The following SLC16A7 variants were observed in gnomAD, a reference collection of about 807,000 sequenced individuals.
The protein encoded by SLC16A7 is monocarboxylate transporter 2.
In SLC16A7, 33 loss-of-function variants were observed where a neutral mutation model predicts 34.9. The ratio of observed to expected loss-of-function variants is 0.94; its 90% CI spans 0.72 to 1.26. The LOEUF is 1.26. Ranked by LOEUF, SLC16A7 falls within the 50% of genes most tolerant of loss-of-function variation. SLC16A7 has a pLI of 0.00. For missense variants in SLC16A7, 573 were observed against 578.1 expected, an observed-to-expected ratio of 0.99 and a Z score of 0.09; for synonymous variants, 201 against 206.6, an observed-to-expected ratio of 0.97 and a Z score of 0.23.
At chr12:59,606,586 A>G (rs1042054025) in intron 1 of SLC16A7, among the ~76,000 whole-genome samples, 5 of 152,190 alleles carry the variant, frequency 3.3e-5, no homozygotes, top group African/African-American at 9.7e-5. Context: ...GGGACTCAGC[A>G]AGGTGAGGCT....
At chr12:59,722,167 T>G (rs1875684993) in intron 3 of SLC16A7, among the ~76,000 whole-genome samples, 1 of 151,984 alleles carries the variant, frequency 6.6e-6, no homozygotes, top group Non-Finnish European at 1.5e-5. Context: ...AAATTCATCT[T>G]CTGAAATTCT....
At chr12:59,658,697 C>G (rs185082726) in intron 2 of SLC16A7, among the ~76,000 whole-genome samples, 123 of 152,106 alleles carry the variant, frequency 8.1e-4, no homozygotes, top group Admixed American at 2.3e-3. Flanking sequence ...ACTGTGTCCT[C>G]ATTTCTTTTA....
intron 2 of SLC16A7, among the ~76,000 whole-genome samples, chr12:59,664,441 C>T (rs1182839604): frequency 6.6e-6 from 1 of 152,054 alleles, no homozygotes. Context: ...TAAACTGGCC[C>T]ACAAGAGATT....
At chr12:59,681,938 ACC>A (rs2137074647) in intron 2 of SLC16A7, among the ~76,000 whole-genome samples, 1 of 150,952 alleles carries the variant, frequency 6.6e-6, no homozygotes, top group South Asian at 2.1e-4. Flanking sequence ...GAGTCCTGAG[ACC>A]CCGAGAATCT....
Position 59,775,421 on chromosome 12 carries a change from G to A in SLC16A7, c.1126G>A (p.Gly376Arg), listed in dbSNP as rs201299892. The change falls in exon 5 of 6, where the codon GGA becomes AGA. Residue 376 changes from glycine to arginine, a missense_variant. By Grantham distance (125) the Gly-to-Arg change is moderately radical. Transcript: ENST00000547379. ...TGCACCAAGATTTTCCAGTGCCGTC[G>A]GACTTGTCACAATTGTGGAGTGTGG... ...VGAPRFSSAV[G>R]LVTIVECGPV... The A allele has an allele frequency of 9.3e-6, 15 of 1,613,858 alleles. No homozygotes were observed. The highest frequency in any genetic ancestry group is 1.3e-5 in the Non-Finnish European group (15 of 1,179,952).
chr12:59,785,918 A>T lies in SLC16A7; in HGVS notation c.*6239A>T, dbSNP rs539218058. On this transcript the variant is annotated 3_prime_UTR_variant, in exon 6 of 6. Transcript: ENST00000547379. ...GATGAAATTAGAAATCATCATTCTC[A>T]GTAAACTATCGCAAGAACAAAAAAC... is the stretch of plus-strand genomic sequence containing the variant. The T allele has an allele frequency of 2.6e-5, 4 of 151,216 alleles. No homozygotes were observed. The highest frequency in any genetic ancestry group is 9.7e-5 in the African/African-American group (4 of 41,130). The allele number at this position is 151,216 out of a possible 1,614,324, so 9.4% of individuals were successfully genotyped here. A position where few individuals can be genotyped will look rare whatever the true frequency, so the allele number is the denominator to read the frequency against.
At chr12:59,688,940 T>A (rs1256483126) in intron 2 of SLC16A7, among the ~76,000 whole-genome samples, 4 of 152,024 alleles carry the variant, frequency 2.6e-5, no homozygotes, top group African/African-American at 7.2e-5. Flanking sequence ...ATTATGCCAT[T>A]ATAGTGGTAT....
intron 4 of SLC16A7, among the ~76,000 whole-genome samples, chr12:59,773,621 G>GAGCC (rs201823930): frequency 0.037 from 5,609 of 151,740 alleles, 321 homozygotes; most frequent in African/African-American, 0.13. Flanking sequence ...CTGGAGTGCA[G>GAGCC]TGGCATGATC....
chr12:59,778,788 G>A (rs1883004190), intron 5 of SLC16A7, among the ~76,000 whole-genome samples: 1 of 152,132 alleles, frequency 6.6e-6, no homozygotes, highest in Non-Finnish European at 1.5e-5. Context: ...ATTCTGCAGA[G>A]TAGTTAAGAA....
intron 1 of SLC16A7, among the ~76,000 whole-genome samples, chr12:59,598,178 A>G (rs1363391408): frequency 6.6e-6 from 1 of 152,226 alleles, no homozygotes; most frequent in Admixed American, 6.5e-5. Context: ...ACATGGAAAA[A>G]GGGAATTAAC....
chr12:59,596,676 C>G lies in SLC16A7; in HGVS notation c.-130+440C>G, dbSNP rs1878416607. 6.6e-6 allele frequency among the ~76,000 whole-genome samples: 1 copy of G among 152,134 alleles called. No individual in the cohort carries two copies. Among genetic ancestry groups the G allele is most frequent in the African/African-American group, 2.4e-5 (1 of 41,428 alleles). ...AGTGCGCGCCCCGCCAGCATCCGGCCCCCGAGCCCCCTAGGGTGGCGTGGC... is the reference window on the plus strand; with the variant it reads ...AGTGCGCGCCCCGCCAGCATCCGGCGCCCGAGCCCCCTAGGGTGGCGTGGC... On this transcript the variant is annotated intron_variant, in intron 1 of 5. Coordinates refer to ENST00000547379, the MANE Select transcript of SLC16A7 (RefSeq NM_001270623.2). This position sits in a 1 kb window ranked among gnomAD's most constrained non-coding sequence, Gnocchi z 5.0.
intron 2 of SLC16A7, among the ~76,000 whole-genome samples, chr12:59,699,447 T>C (rs1872647567): frequency 6.6e-6 from 1 of 151,736 alleles, no homozygotes; most frequent in African/African-American, 2.4e-5. Context: ...AATTATGCAT[T>C]GGTCAGGATA....
intron 1 of SLC16A7, among the ~76,000 whole-genome samples, chr12:59,643,126 T>C (rs1192016281): frequency 6.6e-6 from 1 of 152,164 alleles, no homozygotes; most frequent in Non-Finnish European, 1.5e-5. Flanking sequence ...TGCCACAGAC[T>C]ATGCTGCATA....
Position 59,788,196 on chromosome 12 carries a change from A to T in SLC16A7, c.*8517A>T, listed in dbSNP as rs1170102884. Reference sequence around the variant, plus strand: ...TATTTAAAATAAGATTGTTGGAATAAAAGTTATAGATAGTCACTTGTTGCT... The same window carrying T: ...TATTTAAAATAAGATTGTTGGAATATAAGTTATAGATAGTCACTTGTTGCT... On this transcript the variant is annotated 3_prime_UTR_variant, in exon 6 of 6. Transcript: ENST00000547379. 1 of 152,118 alleles carries T rather than the reference A, an allele frequency of 6.6e-6. No individual in the cohort carries two copies. The highest frequency in any genetic ancestry group is 2.4e-5 in the African/African-American group (1 of 41,412). 9.4% of individuals were successfully genotyped at this position (152,118 alleles called of 1,614,324 possible).
At chr12:59,615,392 C>T (rs1220254548) in intron 1 of SLC16A7, among the ~76,000 whole-genome samples, 1 of 151,948 alleles carries the variant, frequency 6.6e-6, no homozygotes, top group Non-Finnish European at 1.5e-5. Context: ...ACCAATTTTT[C>T]AGTATAATTT....
At chr12:59,728,315 G>A (rs1055421467) in intron 3 of SLC16A7, among the ~76,000 whole-genome samples, 1 of 152,230 alleles carries the variant, frequency 6.6e-6, no homozygotes, top group Admixed American at 6.5e-5. Context: ...TGACATCCTG[G>A]CATCCAGTGC....
intron 3 of SLC16A7, among the ~76,000 whole-genome samples, chr12:59,715,875 A>G (rs1874842863): frequency 6.6e-6 from 1 of 152,128 alleles, no homozygotes; most frequent in Non-Finnish European, 1.5e-5. Flanking sequence ...CAGTTTGTTT[A>G]TCTGTTGTTT....
At chr12:59,606,037 A>AT (rs1363555659) in intron 1 of SLC16A7, among the ~76,000 whole-genome samples, 1 of 152,140 alleles carries the variant, frequency 6.6e-6, no homozygotes, top group Non-Finnish European at 1.5e-5. Context: ...CTCTACCTTT[A>AT]TTTTTGGCAT....
intron 2 of SLC16A7, among the ~76,000 whole-genome samples, chr12:59,703,164 C>G (rs1194622464): frequency 6.6e-6 from 1 of 152,006 alleles, no homozygotes; most frequent in Non-Finnish European, 1.5e-5. Context: ...GTAATTTGAA[C>G]TCTTGAAACT....
Sources: allele counts gnomAD v4.1 joint callset (sites outside exome capture counted in the v4.1 genomes callset), GRCh38; gene constraint gnomAD v4.1.1; non-coding constraint Gnocchi (gnomAD v3.1); transcripts MANE v1.5; gene names NCBI Gene and HGNC (gene_info 2026-07-23, HGNC 2026-07-21).